XRCC1: variants seen among roughly 807,000 people sequenced by gnomAD.
The protein encoded by XRCC1 is DNA repair protein XRCC1.
Under a neutral mutation model 83.3 loss-of-function variants are expected in XRCC1, and 52 were observed. The observed-to-expected ratio is 0.62, with a 90% CI of 0.50 to 0.79. The LOEUF is 0.79. Ranked by LOEUF, XRCC1 falls within the 30% of genes least tolerant of loss-of-function variation. The pLI is 0.00. For missense variants in XRCC1, 793 were observed against 823.5 expected (o/e 0.96, Z 0.45); for synonymous variants, 281 against 312.6 (o/e 0.90, Z 1.07).
chr19:43,568,365 C>T (rs1972774091), intron 2 of XRCC1, among the ~76,000 whole-genome samples: 1 of 151,906 alleles, frequency 6.6e-6, no homozygotes, highest in Admixed American at 6.6e-5. Context: ...AGCCTGGTGG[C>T]ATGTGCCCGT....
At chr19:43,571,661 G>A (rs974294352) in intron 2 of XRCC1, among the ~76,000 whole-genome samples, 3 of 152,164 alleles carry the variant, frequency 2.0e-5, no homozygotes, top group Non-Finnish European at 2.9e-5. Context: ...AGGCCACCAC[G>A]CTTGGCAGAT....
At chr19:43,557,792 CAAAAAAAAAAAAA>C (rs35267441) in intron 3 of XRCC1, among the ~76,000 whole-genome samples, 91 of 41,008 alleles carry the variant, frequency 2.2e-3, no homozygotes, top group Non-Finnish European at 3.3e-3. Flanking sequence ...AATTCCATCT[CAAAAAAAAAAAAA>C]AAAAAAAAAA....
Position 43,543,486 on chromosome 19 carries a change from G to A in XRCC1, c.1808C>T (p.Ser603Phe), listed in dbSNP as rs548397667. Residue 603 changes from serine (S) to phenylalanine (F), a missense_variant, in exon 17 of 17, where the codon TCC (serine) becomes TTC (phenylalanine). Coordinates refer to ENST00000262887, the MANE Select transcript of XRCC1 (RefSeq NM_006297.3). ...CCATCGGGGACGAACGAATGCCAGG[G>A]AGGGGTTGTCCATCAGGGCCTGCAG... ...SFEEALMDNP[S>F]LAFVRPRWIY... 22 of 1,613,754 alleles carry A rather than the reference G, an allele frequency of 1.4e-5. No individual in the cohort carries two copies. In the South Asian group the frequency reaches 2.3e-4, roughly 17 times the overall value.
chr19:43,561,378 C>T (rs543653691), intron 2 of XRCC1, among the ~76,000 whole-genome samples: 1 of 152,324 alleles, frequency 6.6e-6, no homozygotes, highest in South Asian at 2.1e-4. Flanking sequence ...ACAAACAGCA[C>T]ATGTCACCCC....
At chr19:43,558,152 T>C (rs1203848236) in intron 3 of XRCC1, among the ~76,000 whole-genome samples, 1 of 152,218 alleles carries the variant, frequency 6.6e-6, no homozygotes, top group African/African-American at 2.4e-5. Context: ...AGTTTTCTTT[T>C]TTCTTTTTCT....
At chr19:43,561,124 C>A in intron 2 of XRCC1, 104 bp from the exon 3 acceptor site, 1 of 918,354 alleles carries the variant, frequency 1.1e-6, no homozygotes, top group South Asian at 1.4e-5. Flanking sequence ...CCTGTAATGT[C>A]AATTCTGTGA....
intron 2 of XRCC1, 109 bp from the exon 3 acceptor site, chr19:43,561,129 CTG>C (rs1972695100): frequency 1.2e-6 from 1 of 868,724 alleles, no homozygotes; most frequent in African/African-American, 1.6e-5. Flanking sequence ...AATGTCAATT[CTG>C]TGAGGGGGCA....
chr19:43,555,365 G>A (rs3213349), intron 3 of XRCC1: 2 of 152,232 alleles, frequency 1.3e-5, no homozygotes, highest in African/African-American at 4.8e-5. Context: ...CTGCCAATAG[G>A]GGGGGCAAGA....
chr19:43,546,109 G>C lies in XRCC1; in HGVS notation c.1427-3C>G, dbSNP rs371744350. On this transcript the variant is annotated splice_region_variant and splice_polypyrimidine_tract_variant and intron_variant, in intron 12 of 16. Coordinates refer to ENST00000262887, the MANE Select transcript of XRCC1 (RefSeq NM_006297.3). Reference sequence around the variant, plus strand: ...TTCCGCCCCATTGTCCTGTCCTTCTGCAAGTAGAAGCTCAGTCAATGCAAG... The same window carrying C: ...TTCCGCCCCATTGTCCTGTCCTTCTCCAAGTAGAAGCTCAGTCAATGCAAG... 73 of 1,613,128 alleles carry C rather than the reference G, an allele frequency of 4.5e-5. 1 individual carries two copies. Among genetic ancestry groups the C allele is most frequent in the Non-Finnish European group, 5.3e-5 (62 of 1,179,792 alleles).
chr19:43,552,097 G>A lies in XRCC1; in HGVS notation c.1002C>T (p.Phe334=). The A allele has an allele frequency of 6.2e-7, 1 of 1,614,110 alleles. No individual in the cohort carries two copies. Among genetic ancestry groups the A allele is most frequent in the Non-Finnish European group, 8.5e-7 (1 of 1,179,998 alleles). ...VVVLSGFQNP[F]RSELRDKALE... is the part of the protein sequence containing the mutation. ...GGGCCTTATCTCGCAGCTCGGAGCGGAAGGGGTTCTGGAAGCCACTCAGCA... is the reference window on the plus strand; with the variant it reads ...GGGCCTTATCTCGCAGCTCGGAGCGAAAGGGGTTCTGGAAGCCACTCAGCA... The change falls in exon 9 of 17, where the codon TTC becomes TTT. Residue 334 remains phenylalanine, a synonymous_variant. Coordinates refer to ENST00000262887, the MANE Select transcript of XRCC1 (RefSeq NM_006297.3).
At chr19:43,561,105 C>T (rs1001127817) in intron 2 of XRCC1, 85 bp from the exon 3 acceptor site, 8 of 1,062,866 alleles carry the variant, frequency 7.5e-6, no homozygotes, top group Non-Finnish European at 1.2e-5. Flanking sequence ...TCCTTTGGAT[C>T]ACCATGTCCC....
rs1972512995 is a variant in XRCC1, at chr19:43,546,594, C to T, written c.1426+1G>A. The T allele has an allele frequency of 1.9e-6, 3 of 1,606,438 alleles. No homozygotes were observed. The highest frequency in any genetic ancestry group is 1.7e-6 in the Non-Finnish European group (2 of 1,177,920). Reference sequence around the variant, plus strand: ...CAGCCCCTCCTCCCTCAGAGTCTGACCTGACTGTACCCCCTCAATGTCTAT... The same window carrying T: ...CAGCCCCTCCTCCCTCAGAGTCTGATCTGACTGTACCCCCTCAATGTCTAT... On this transcript the variant is annotated splice_donor_variant, in intron 12 of 16. Transcript: ENST00000262887. LOFTEE classifies it high-confidence loss of function.
intron 16 of XRCC1, 37 bp from the exon 17 acceptor site, chr19:43,543,542 A>G: frequency 6.2e-7 from 1 of 1,613,420 alleles, no homozygotes; most frequent in Non-Finnish European, 8.5e-7. Context: ...GGAATGTGTC[A>G]TCGAGGGGAG....
intron 2 of XRCC1, among the ~76,000 whole-genome samples, chr19:43,570,398 G>A (rs910137695): frequency 5.9e-5 from 9 of 152,162 alleles, no homozygotes; most frequent in Admixed American, 5.9e-4. Context: ...CAGGTGTGTG[G>A]GGCTGTCATA....
In XRCC1 at chr19:43,544,210, A is replaced by T. The variant is rs762775517; in HGVS notation, c.1646T>A (p.Phe549Tyr). 20 of 1,610,596 alleles carry T rather than the reference A, an allele frequency of 1.2e-5. 1 individual carries two copies. The African/African-American group carries it at 2.5e-4, about 20-fold the overall frequency. ...LPDFFQGKHF[F>Y]LYGEFPGDER... ...GTCCCCAGGGAACTCCCCGTAAAGA[A>T]AGAAGTGCTTGCCCTGGAAGAAATC... The change falls in exon 15 of 17, where the codon TTT (phenylalanine) becomes TAT (tyrosine). Residue 549 changes from phenylalanine to tyrosine, a missense_variant. By Grantham distance (22) the Phe-to-Tyr change is conservative (BLOSUM62 3). Transcript: ENST00000262887.
rs528343970 is a variant in XRCC1, at chr19:43,550,710, A to G, written c.1199+861T>C. On this transcript the variant is annotated intron_variant, in intron 10 of 16. Transcript: ENST00000262887. ...CCCCTGTGTAAGCTCAGCCTCACCT[A>G]CAACTCCAGGCAGACAACAGGCTGA... Among the ~76,000 whole-genome samples, 73 of 152,208 alleles carry G rather than the reference A, an allele frequency of 4.8e-4. 1 individual carries two copies. The highest frequency in any genetic ancestry group is 1.7e-3 in the African/African-American group (69 of 41,524).
chr19:43,566,316 A>G (rs1321924315), intron 2 of XRCC1, among the ~76,000 whole-genome samples: 5 of 151,730 alleles, frequency 3.3e-5, no homozygotes, highest in Non-Finnish European at 5.9e-5. Context: ...GCAGATCACA[A>G]GGTCAGGAGA....
chr19:43,564,698 G>C (rs1200879053), intron 2 of XRCC1, among the ~76,000 whole-genome samples: 1 of 151,874 alleles, frequency 6.6e-6, no homozygotes, highest in Non-Finnish European at 1.5e-5. Flanking sequence ...TGAGGCAGGA[G>C]AATTGCTTAA....
intron 2 of XRCC1, among the ~76,000 whole-genome samples, chr19:43,571,480 T>C (rs1403529194): frequency 1.3e-5 from 2 of 152,194 alleles, no homozygotes; most frequent in Non-Finnish European, 2.9e-5. Flanking sequence ...CTTTCCCTAC[T>C]AACGTGAAAG....
Sources: allele counts gnomAD v4.1 joint callset (sites outside exome capture counted in the v4.1 genomes callset), GRCh38; gene constraint gnomAD v4.1.1; transcripts MANE v1.5; gene names NCBI Gene and HGNC (gene_info 2026-07-23, HGNC 2026-07-21).